The following ADGRB3 variants were observed in gnomAD, a reference collection of about 807,000 sequenced individuals.
The protein encoded by ADGRB3 is adhesion G protein-coupled receptor B3.
ADGRB3 carries 37 observed loss-of-function variants against 193.4 expected under a neutral mutation model. The ratio of observed to expected loss-of-function variants is 0.19; its 90% confidence interval spans 0.15 to 0.25. The LOEUF (loss-of-function observed/expected upper bound fraction) is 0.25. Ranked by LOEUF, ADGRB3 falls within the 10% of genes least tolerant of loss-of-function variation. The pLI is 1.00. For synonymous variants in ADGRB3, 690 were observed against 644.2 expected, an observed-to-expected ratio of 1.07 and a Z score of -1.08; for missense variants, 1,637 against 1,852.9, an observed-to-expected ratio of 0.88 and a Z score of 2.14.
intron 24 of ADGRB3, among the ~76,000 whole-genome samples, chr6:69,334,057 AGATT>A (rs1007067829): frequency 1.5e-4 from 23 of 151,662 alleles, no homozygotes; most frequent in African/African-American, 3.1e-4. Context: ...TCTCATATAT[AGATT>A]GTTAGTAGCT....
At chr6:68,956,522 A>G in intron 7 of ADGRB3, 123 bp from the exon 8 acceptor site, 1 of 1,241,496 alleles carries the variant, frequency 8.1e-7, no homozygotes, top group South Asian at 1.5e-5. Flanking sequence ...AAATATTTGA[A>G]TAAGGTTTAT....
chr6:69,125,121 C>T (rs1175992195), intron 17 of ADGRB3, among the ~76,000 whole-genome samples: 2 of 152,186 alleles, frequency 1.3e-5, no homozygotes, highest in Non-Finnish European at 2.9e-5. Context: ...AAGGGACAGG[C>T]AGGCAGACCA....
chr6:68,679,001 T>A (rs1012461672), intron 3 of ADGRB3, among the ~76,000 whole-genome samples: 2 of 152,186 alleles, frequency 1.3e-5, no homozygotes, highest in Non-Finnish European at 2.9e-5. Flanking sequence ...TAATTCAATT[T>A]AAAAAATTTC....
At chr6:69,023,359 C>A (rs1451151615) in intron 13 of ADGRB3, among the ~76,000 whole-genome samples, 1 of 152,014 alleles carries the variant, frequency 6.6e-6, no homozygotes, top group Non-Finnish European at 1.5e-5. Flanking sequence ...GTATAAGGAT[C>A]AAGAAAAACT....
At chr6:68,969,428 G>C (rs530077617) in intron 8 of ADGRB3, among the ~76,000 whole-genome samples, 42 of 152,296 alleles carry the variant, frequency 2.8e-4, no homozygotes, top group African/African-American at 9.6e-4. Context: ...TATGAGCCGT[G>C]ATGGGAATGG....
intron 3 of ADGRB3, among the ~76,000 whole-genome samples, chr6:68,705,156 C>T (rs1303763621): frequency 6.6e-6 from 1 of 152,160 alleles, no homozygotes; most frequent in Non-Finnish European, 1.5e-5. Context: ...CCCTCTAGCT[C>T]ATTACCCTAA....
chr6:68,854,270 G>A (rs1764892819), intron 3 of ADGRB3, among the ~76,000 whole-genome samples: 1 of 152,122 alleles, frequency 6.6e-6, no homozygotes, highest in South Asian at 2.1e-4. Context: ...GCAGGTTCAA[G>A]AGCTTGGCTT....
chr6:69,055,782 T>C (rs960201472), intron 15 of ADGRB3, among the ~76,000 whole-genome samples: 1 of 151,964 alleles, frequency 6.6e-6, no homozygotes, highest in Non-Finnish European at 1.5e-5. Context: ...CTTGTCAACA[T>C]TTGTTATGTT....
intron 3 of ADGRB3, among the ~76,000 whole-genome samples, chr6:68,670,607 A>G (rs181814662): frequency 1.1e-4 from 16 of 151,964 alleles, no homozygotes; most frequent in African/African-American, 3.1e-4. Context: ...CTTCTGTTCC[A>G]TGAGTCTATG....
At chr6:69,181,069 G>A (rs1606293) in intron 17 of ADGRB3, among the ~76,000 whole-genome samples, 21,547 of 151,998 alleles carry the variant, frequency 0.14, 1,572 homozygotes, top group Middle Eastern at 0.16. Flanking sequence ...AGTCACAGAG[G>A]GCTCTCTGTC....
chr6:68,810,968 AACTC>A, intron 3 of ADGRB3, among the ~76,000 whole-genome samples: 1 of 152,258 alleles, frequency 6.6e-6, no homozygotes, highest in Middle Eastern at 3.4e-3. Flanking sequence ...GTGATATAAA[AACTC>A]ATCTGCTTTA....
intron 3 of ADGRB3, among the ~76,000 whole-genome samples, chr6:68,809,961 A>C (rs1767478378): frequency 6.6e-6 from 1 of 152,198 alleles, no homozygotes; most frequent in South Asian, 2.1e-4. Context: ...TTTTCTGCAA[A>C]AGTGCTCTAA....
chr6:69,136,882 C>T (rs1486381253), intron 17 of ADGRB3, among the ~76,000 whole-genome samples: 1 of 151,954 alleles, frequency 6.6e-6, no homozygotes, highest in African/African-American at 2.4e-5. Flanking sequence ...AAACACATTA[C>T]CTACATTGAA....
At chr6:69,009,779 C>T (rs529977508) in intron 11 of ADGRB3, among the ~76,000 whole-genome samples, 2 of 152,162 alleles carry the variant, frequency 1.3e-5, no homozygotes, top group Admixed American at 6.5e-5. Context: ...TTGTCTTTGT[C>T]CCTTGATGTC....
intron 17 of ADGRB3, among the ~76,000 whole-genome samples, chr6:69,100,925 G>C (rs58802030): frequency 9.6e-4 from 7 of 7,292 alleles, no homozygotes; most frequent in Non-Finnish European, 1.3e-3. Flanking sequence ...AAGGAAGGAA[G>C]GAGGGAGGGA....
intron 3 of ADGRB3, among the ~76,000 whole-genome samples, chr6:68,716,930 A>G (rs1430053182): frequency 1.3e-5 from 2 of 151,712 alleles, no homozygotes; most frequent in East Asian, 3.9e-4. Context: ...TTTCTTTATT[A>G]TAGGATTTAT....
At chr6:68,924,618 A>G (rs945078281) in intron 3 of ADGRB3, among the ~76,000 whole-genome samples, 3 of 151,980 alleles carry the variant, frequency 2.0e-5, no homozygotes, top group African/African-American at 7.2e-5. Flanking sequence ...CCCTTTGACT[A>G]TTTCATGTTT....
intron 3 of ADGRB3, among the ~76,000 whole-genome samples, chr6:68,752,774 A>C (rs1327011653): frequency 6.6e-6 from 1 of 152,180 alleles, no homozygotes; most frequent in Non-Finnish European, 1.5e-5. Flanking sequence ...CATGTACATT[A>C]CATATTTGGT....
intron 29 of ADGRB3, among the ~76,000 whole-genome samples, chr6:69,367,712 A>T (rs1408586593): frequency 6.6e-6 from 1 of 151,970 alleles, no homozygotes; most frequent in Non-Finnish European, 1.5e-5. Flanking sequence ...TTATTGCGGC[A>T]TTATTCACAA....
Sources: allele counts gnomAD v4.1 joint callset (sites outside exome capture counted in the v4.1 genomes callset), GRCh38; gene constraint gnomAD v4.1.1; transcripts MANE v1.5; gene names NCBI Gene and HGNC (gene_info 2026-07-23, HGNC 2026-07-21).